ADIPOR2: variants seen among roughly 807,000 people sequenced by gnomAD.
The protein encoded by ADIPOR2 is adiponectin receptor protein 2.
A neutral mutation model predicts 40.9 loss-of-function variants in ADIPOR2; 18 were observed. The ratio of observed to expected loss-of-function variants is 0.44; its 90% CI spans 0.30 to 0.65. ADIPOR2 has a LOEUF of 0.65. Among genes scored for constraint, ADIPOR2 ranks in the 30% least tolerant of loss-of-function variants. The pLI is 0.09. For synonymous variants in ADIPOR2, 165 were observed against 166.4 expected (o/e 0.99, Z 0.06); for missense variants, 283 against 479.2 (o/e 0.59, Z 3.82).
In ADIPOR2 at chr12:1,748,109, C is replaced by T. The variant is rs570694182; in HGVS notation, c.-86-6149C>T. On this transcript the variant is annotated intron_variant, in intron 1 of 7. Coordinates refer to ENST00000357103, the MANE Select transcript of ADIPOR2 (RefSeq NM_024551.3). Reference sequence around the variant, plus strand: ...ATTTTCCAATTTACTGTTGAGCCCCCCCACCCTTTATTTTTAAATTTCCAT... The same window carrying T: ...ATTTTCCAATTTACTGTTGAGCCCCTCCACCCTTTATTTTTAAATTTCCAT... Among the ~76,000 whole-genome samples the T allele has an allele frequency of 5.9e-5, 9 of 152,096 alleles. No individual in the cohort carries two copies. In the South Asian group the frequency reaches 6.2e-4, roughly 11 times the overall value.
chr12:1,778,145 A>C, intron 4 of ADIPOR2, 120 bp downstream of exon 4: 1 of 1,174,484 alleles, frequency 8.5e-7, no homozygotes, highest in Non-Finnish European at 1.1e-6. Flanking sequence ...TTGTTTTCTG[A>C]ATTTCTAATG....
At chr12:1,697,245 G>GT (rs1335664828) in intron 1 of ADIPOR2, 3 of 152,304 alleles carry the variant, frequency 2.0e-5, no homozygotes, top group East Asian at 1.9e-4. Context: ...AACACTGTGA[G>GT]TTTTTTCTTC....
chr12:1,765,556 A>T (rs1453942954), intron 2 of ADIPOR2, among the ~76,000 whole-genome samples: 1 of 152,202 alleles, frequency 6.6e-6, no homozygotes, highest in Admixed American at 6.5e-5. Context: ...TGTATAATAA[A>T]TAATAATTGT....
At chr12:1,707,253 T>G (rs1026314542) in intron 1 of ADIPOR2, among the ~76,000 whole-genome samples, 1 of 152,200 alleles carries the variant, frequency 6.6e-6, no homozygotes, top group African/African-American at 2.4e-5. Context: ...TTTGTGGACT[T>G]AAGTTTTTAT....
rs757977859 is a variant in ADIPOR2 at position 1,712,986 on chromosome 12, C to T, written c.-87+21795C>T. 1.2e-4 allele frequency among the ~76,000 whole-genome samples: 19 copies of T among 152,034 alleles called. 1 individual carries two copies. The highest frequency in any genetic ancestry group is 2.7e-4 in the African/African-American group (11 of 41,320). On this transcript the variant is annotated intron_variant, in intron 1 of 7. Coordinates refer to ENST00000357103, the MANE Select transcript of ADIPOR2 (RefSeq NM_024551.3). The stretch of plus-strand genomic sequence containing the variant: ...GAGTAGCTTGCTGGCATGAGGCTTC[C>T]GAACTGGCAGCCAAAAGTAAATCAT...
chr12:1,769,671 A>G (rs887283669), intron 2 of ADIPOR2, among the ~76,000 whole-genome samples: 1 of 151,574 alleles, frequency 6.6e-6, no homozygotes. Flanking sequence ...CCTGCTGAGT[A>G]TCTGGGATTA....
chr12:1,754,961 A>G (rs1366691930), intron 2 of ADIPOR2, among the ~76,000 whole-genome samples: 2 of 116,160 alleles, frequency 1.7e-5, no homozygotes, highest in Non-Finnish European at 4.3e-5. Flanking sequence ...GTATCCTCCC[A>G]CCTCGGCCTC....
chr12:1,746,780 A>G (rs1181177019), intron 1 of ADIPOR2, among the ~76,000 whole-genome samples: 1 of 152,256 alleles, frequency 6.6e-6, no homozygotes, highest in African/African-American at 2.4e-5. Context: ...CTATAATCCT[A>G]ACATTTTACG....
chr12:1,693,808 C>T (rs1320006022), intron 1 of ADIPOR2, among the ~76,000 whole-genome samples: 1 of 152,080 alleles, frequency 6.6e-6, no homozygotes, highest in Non-Finnish European at 1.5e-5. Context: ...GCTGGGATTA[C>T]AGGTGTGAGC....
At chr12:1,751,394 T>C (rs1342346484) in intron 1 of ADIPOR2, among the ~76,000 whole-genome samples, 1 of 152,194 alleles carries the variant, frequency 6.6e-6, no homozygotes, top group Non-Finnish European at 1.5e-5. Flanking sequence ...ATTTTCTTCT[T>C]TTTATTTTAA....
Position 1,787,720 on chromosome 12 carries a change from C to T in ADIPOR2, c.*1648C>T, listed in dbSNP as rs1346673428. The T allele has an allele frequency of 6.6e-6, 1 of 152,202 alleles. No individual in the cohort carries two copies. The highest frequency in any genetic ancestry group is 1.5e-5 in the Non-Finnish European group (1 of 68,038). 9.4% of individuals were successfully genotyped at this position (152,202 alleles called of 1,614,324 possible). Reference sequence around the variant, plus strand: ...TCCTGAGCATGGGGACTGGCGTCCTCAGTAGGTGTTTGGGAATATGGGAAG... The same window carrying T: ...TCCTGAGCATGGGGACTGGCGTCCTTAGTAGGTGTTTGGGAATATGGGAAG... On this transcript the variant is annotated 3_prime_UTR_variant, in exon 8 of 8. Coordinates refer to ENST00000357103, the MANE Select transcript of ADIPOR2 (RefSeq NM_024551.3).
At chr12:1,743,771 A>G (rs185922953) in intron 1 of ADIPOR2, among the ~76,000 whole-genome samples, 13 of 152,350 alleles carry the variant, frequency 8.5e-5, no homozygotes, top group East Asian at 1.9e-4. Context: ...GTTGATTTCT[A>G]TCTGCATATT....
chr12:1,694,535 A>C (rs1252471624), intron 1 of ADIPOR2, among the ~76,000 whole-genome samples: 1 of 152,218 alleles, frequency 6.6e-6, no homozygotes, highest in Non-Finnish European at 1.5e-5. Flanking sequence ...TTGGGGAATA[A>C]AGACAAGAAA....
chr12:1,776,371 G>C (rs149569655), intron 3 of ADIPOR2, among the ~76,000 whole-genome samples: 271 of 152,342 alleles, frequency 1.8e-3, no homozygotes, highest in Non-Finnish European at 3.1e-3. Flanking sequence ...AGACCCTGTA[G>C]TGGGTAGGGT....
intron 1 of ADIPOR2, among the ~76,000 whole-genome samples, chr12:1,725,124 T>A (rs932537142): frequency 6.5e-5 from 4 of 61,574 alleles, no homozygotes; most frequent in Middle Eastern, 8.8e-3. Flanking sequence ...CCGCAAACTT[T>A]CTTTTTTTTT....
chr12:1,691,758 G>T (rs529363216), intron 1 of ADIPOR2, among the ~76,000 whole-genome samples: 2 of 152,212 alleles, frequency 1.3e-5, no homozygotes, highest in East Asian at 3.9e-4. Context: ...GTCAGTGTTC[G>T]CTTCTTCTAA....
intron 2 of ADIPOR2, among the ~76,000 whole-genome samples, chr12:1,769,108 G>A (rs893236427): frequency 1.3e-5 from 2 of 152,174 alleles, no homozygotes; most frequent in Admixed American, 1.3e-4. Flanking sequence ...GGGTACTGTG[G>A]TTTGGTGGCT....
At chr12:1,733,455 CT>C (rs1376655002) in intron 1 of ADIPOR2, among the ~76,000 whole-genome samples, 12 of 152,164 alleles carry the variant, frequency 7.9e-5, no homozygotes, top group African/African-American at 2.9e-4. Flanking sequence ...GACCTGCATT[CT>C]TTATTTTTCT....
intron 1 of ADIPOR2, among the ~76,000 whole-genome samples, chr12:1,693,862 AT>A (rs1445317052): frequency 6.6e-6 from 1 of 152,062 alleles, no homozygotes; most frequent in Non-Finnish European, 1.5e-5. Context: ...GAAGTATTTC[AT>A]TATTTGTATT....
Sources: allele counts gnomAD v4.1 joint callset (sites outside exome capture counted in the v4.1 genomes callset), GRCh38; gene constraint gnomAD v4.1.1; transcripts MANE v1.5; gene names NCBI Gene and HGNC (gene_info 2026-07-23, HGNC 2026-07-21).